The following HPSE2 variants were observed in gnomAD, a reference collection of about 807,000 sequenced individuals.
The protein encoded by HPSE2 is heparanase 2 (inactive), also known as inactive heparanase-2.
HPSE2 carries 38 observed loss-of-function variants against 60.5 expected under a neutral mutation model. The observed-to-expected ratio is 0.63, with a 90% CI of 0.48 to 0.82. The LOEUF (loss-of-function observed/expected upper bound fraction) is 0.82, where lower values mean the gene tolerates loss of function less well. HPSE2 is among the 40% of genes least tolerant of loss of function. HPSE2 has a pLI of 0.00. For synonymous variants in HPSE2, 295 were observed against 293.2 expected (o/e 1.01, Z -0.06); for missense variants, 713 against 740.4 (o/e 0.96, Z 0.43).
upstream of HPSE2, chr10:99,235,953 C>T: frequency 1.5e-6 from 1 of 654,108 alleles, no homozygotes; most frequent in South Asian, 1.7e-5. Context: ...CTCTCTCTCC[C>T]GCTCTCTCTC....
chr10:99,218,293 G>T (rs1396236253), intron 2 of HPSE2, among the ~76,000 whole-genome samples: 1 of 151,026 alleles, frequency 6.6e-6, no homozygotes. Context: ...CAGGTAAGGG[G>T]CAAGGTGTCA....
At chr10:98,892,461 T>C (rs1953362209) in intron 3 of HPSE2, among the ~76,000 whole-genome samples, 1 of 152,188 alleles carries the variant, frequency 6.6e-6, no homozygotes, top group Non-Finnish European at 1.5e-5. Flanking sequence ...GTTGAGTGCT[T>C]ATCATGTTCA....
In HPSE2 at chr10:99,094,697, T is replaced by C. The variant is rs1483527971; in HGVS notation, c.610+49541A>G. The stretch of plus-strand genomic sequence containing the variant: ...TCAGCCTCTGGAGTAGCTGAGATTA[T>C]AGGCACATGTCACCACACCTGGCTA... On this transcript the variant is annotated intron_variant, in intron 3 of 11. Coordinates refer to ENST00000370552, the MANE Select transcript of HPSE2 (RefSeq NM_021828.5). 2.0e-5 allele frequency among the ~76,000 whole-genome samples: 3 copies of C among 150,246 alleles called. No individual in the cohort carries two copies. In the East Asian group the frequency reaches 6.0e-4, roughly 30 times the overall value.
At chr10:98,661,617 T>C (rs745323213) in intron 6 of HPSE2, among the ~76,000 whole-genome samples, 3 of 152,220 alleles carry the variant, frequency 2.0e-5, no homozygotes, top group African/African-American at 4.8e-5. Context: ...AATATATCTT[T>C]GTTTCATATC....
intron 9 of HPSE2, among the ~76,000 whole-genome samples, chr10:98,524,921 C>G (rs916576706): frequency 6.6e-6 from 1 of 152,148 alleles, no homozygotes; most frequent in Non-Finnish European, 1.5e-5. Context: ...TTACGTAGAA[C>G]AATGTTAAAT....
intron 3 of HPSE2, among the ~76,000 whole-genome samples, chr10:98,768,869 C>T (rs1302008672): frequency 1.3e-5 from 2 of 152,136 alleles, no homozygotes; most frequent in South Asian, 2.1e-4. Flanking sequence ...TGGCCAACAT[C>T]GTGAAACCTC....
intron 3 of HPSE2, among the ~76,000 whole-genome samples, chr10:98,817,569 C>A (rs1224625190): frequency 6.6e-6 from 1 of 152,148 alleles, no homozygotes; most frequent in African/African-American, 2.4e-5. Flanking sequence ...AATAAAAAAA[C>A]CAAAAGAGAA....
chr10:99,242,221 G>A, the HPSE2 span, among the ~76,000 whole-genome samples: 4 of 152,114 alleles, frequency 2.6e-5, no homozygotes, highest in African/African-American at 9.7e-5. Context: ...AAAATAATTG[G>A]CAGCTCTACT....
At chr10:99,115,633 C>A (rs754926612) in intron 3 of HPSE2, among the ~76,000 whole-genome samples, 1 of 152,084 alleles carries the variant, frequency 6.6e-6, no homozygotes, top group Non-Finnish European at 1.5e-5. Context: ...CAATGCAATG[C>A]TTTTACTGTA....
chr10:98,494,987 T>G (rs1941781774), intron 9 of HPSE2, among the ~76,000 whole-genome samples: 1 of 152,192 alleles, frequency 6.6e-6, no homozygotes, highest in South Asian at 2.1e-4. Context: ...TCTTTATTTT[T>G]TCATACAACA....
intron 3 of HPSE2, among the ~76,000 whole-genome samples, chr10:98,972,166 G>A (rs981810539): frequency 2.6e-5 from 4 of 151,966 alleles, no homozygotes; most frequent in Non-Finnish European, 5.9e-5. Context: ...TTTTGAACAT[G>A]TGTTTGTTAG....
intron 2 of HPSE2, among the ~76,000 whole-genome samples, chr10:99,159,764 G>T (rs1589752208): frequency 6.6e-6 from 1 of 152,212 alleles, no homozygotes; most frequent in South Asian, 2.1e-4. Flanking sequence ...AGATTTCTTA[G>T]TTATGACACC....
chr10:99,016,999 T>C (rs1957157847), intron 3 of HPSE2, among the ~76,000 whole-genome samples: 1 of 152,216 alleles, frequency 6.6e-6, no homozygotes, highest in Non-Finnish European at 1.5e-5. Flanking sequence ...CTTCCTCTCT[T>C]CCTATTTGCA....
chr10:98,606,704 A>AT (rs966616068), intron 9 of HPSE2, among the ~76,000 whole-genome samples: 2 of 152,220 alleles, frequency 1.3e-5, no homozygotes, highest in African/African-American at 4.8e-5. Context: ...TGACTGACAG[A>AT]TTTTTTTAAA....
chr10:99,181,629 A>C (rs1254441862), intron 2 of HPSE2, among the ~76,000 whole-genome samples: 2 of 152,136 alleles, frequency 1.3e-5, no homozygotes, highest in African/African-American at 4.8e-5. Flanking sequence ...CACACACAGG[A>C]ACAGAAAACC....
chr10:98,924,972 A>T (rs1954405744), intron 3 of HPSE2, among the ~76,000 whole-genome samples: 1 of 152,170 alleles, frequency 6.6e-6, no homozygotes, highest in Admixed American at 6.5e-5. Context: ...TGAGCTCAAT[A>T]CAGCTTTATT....
intron 5 of HPSE2, among the ~76,000 whole-genome samples, chr10:98,707,611 T>C (rs10786459): frequency 0.82 from 125,201 of 152,110 alleles, 54,912 homozygotes; most frequent in South Asian, 0.98. Flanking sequence ...CTGCACCCTA[T>C]ATCTCAAAGA....
chr10:99,262,964 CG>C, the HPSE2 span, among the ~76,000 whole-genome samples: 6 of 152,162 alleles, frequency 3.9e-5, no homozygotes, highest in Non-Finnish European at 8.8e-5. Flanking sequence ...TACACACAGC[CG>C]AAGTGTGGGG....
intron 3 of HPSE2, among the ~76,000 whole-genome samples, chr10:99,113,954 G>A (rs897260669): frequency 1.3e-5 from 2 of 151,934 alleles, no homozygotes; most frequent in Non-Finnish European, 2.9e-5. Flanking sequence ...GTTCCTATGT[G>A]CTGACATTAT....
Sources: gnomAD v4.1 joint callset for allele counts (sites outside exome capture counted in the v4.1 genomes callset) on GRCh38, gnomAD v4.1.1 for gene constraint, MANE v1.5 for transcripts, NCBI Gene and HGNC (gene_info 2026-07-23, HGNC 2026-07-21) for gene names.